Variants in INPP5D observed in about 807,000 individuals in gnomAD.
INPP5D encodes the protein phosphatidylinositol 3,4,5-trisphosphate 5-phosphatase 1.
INPP5D carries 33 observed loss-of-function variants against 122.9 expected under a neutral mutation model. The ratio of observed to expected loss-of-function variants is 0.27; its 90% CI spans 0.20 to 0.36. INPP5D has a LOEUF of 0.36. Ranked by LOEUF, INPP5D falls within the 10% of genes least tolerant of loss-of-function variation. The probability of loss-of-function intolerance (pLI) is 1.00; values close to 1 mark genes in which losing one functional copy is unlikely to be tolerated. For missense variants in INPP5D, 1,053 were observed against 1,412.7 expected (o/e 0.75, Z 4.08); for synonymous variants, 584 against 576.2 (o/e 1.01, Z -0.19).
At chr2:233,107,180 G>A (rs528689444) in intron 2 of INPP5D, among the ~76,000 whole-genome samples, 3 of 152,338 alleles carry the variant, frequency 2.0e-5, no homozygotes, top group East Asian at 1.9e-4. Context: ...AGCAGAGGGT[G>A]CGGTAGGCAG....
intron 5 of INPP5D, chr2:233,131,206 T>C: frequency 1.3e-6 from 1 of 773,354 alleles, no homozygotes; most frequent in Non-Finnish European, 1.6e-6. Flanking sequence ...GGTTTTACAT[T>C]TTAAAATTTA....
chr2:233,176,052 A>G (rs1214039617), intron 17 of INPP5D, among the ~76,000 whole-genome samples: 2 of 152,246 alleles, frequency 1.3e-5, no homozygotes, highest in African/African-American at 4.8e-5. Flanking sequence ...AGGAGATGAC[A>G]GAGATAAGCT....
At chr2:233,116,008 C>T (rs1574738858) in intron 2 of INPP5D, among the ~76,000 whole-genome samples, 1 of 152,002 alleles carries the variant, frequency 6.6e-6, no homozygotes, top group Non-Finnish European at 1.5e-5. Flanking sequence ...TGGAAGTCAC[C>T]CAGAACTTTC....
intron 3 of INPP5D, among the ~76,000 whole-genome samples, chr2:233,123,198 G>C (rs1306817714): frequency 6.6e-6 from 1 of 152,216 alleles, no homozygotes; most frequent in Non-Finnish European, 1.5e-5. Flanking sequence ...GCTCACGCCT[G>C]TAATCCCAAC....
At chr2:233,141,806 A>G (rs984211562) in intron 6 of INPP5D, among the ~76,000 whole-genome samples, 2 of 152,190 alleles carry the variant, frequency 1.3e-5, no homozygotes, top group Non-Finnish European at 2.9e-5. Context: ...GCTGGTCACC[A>G]CAATTCAGGG....
intron 3 of INPP5D, among the ~76,000 whole-genome samples, chr2:233,125,379 G>A (rs1034820611): frequency 2.0e-5 from 3 of 152,352 alleles, no homozygotes; most frequent in East Asian, 3.9e-4. Flanking sequence ...CCAGGGCTCA[G>A]CCATCATGAG....
chr2:233,186,028 G>T, intron 21 of INPP5D, 103 bp downstream of exon 21: 1 of 1,343,466 alleles, frequency 7.4e-7, no homozygotes, highest in South Asian at 2.2e-5. Context: ...AGAGGAAGCA[G>T]GAATCTCATA....
At chr2:233,159,854 C>T (rs562406159) in intron 10 of INPP5D, among the ~76,000 whole-genome samples, 4 of 152,216 alleles carry the variant, frequency 2.6e-5, no homozygotes. Flanking sequence ...AGTCTCCGCT[C>T]CTACTTTCAC....
At chr2:233,178,706 A>G (rs533491172) in intron 18 of INPP5D, among the ~76,000 whole-genome samples, 1 of 151,988 alleles carries the variant, frequency 6.6e-6, no homozygotes, top group Non-Finnish European at 1.5e-5. Flanking sequence ...CTGGTCTCGA[A>G]CTCCTGACTT....
At position 233,206,576 on chromosome 2, in the gene INPP5D, T is replaced by C. The variant is rs1695511121; in HGVS notation, c.3568-130T>C. On this transcript the variant is annotated intron_variant, in intron 26 of 26. Coordinates refer to ENST00000445964, the MANE Select transcript of INPP5D (RefSeq NM_001017915.3). This position sits in a 1 kb window ranked among gnomAD's most constrained non-coding sequence, Gnocchi z 4.0. ...CAGGTAAAGTACTTAGAGCAGTGAG[T>C]GCTGGCTCTTCTCAGCTACACGTTA... 1 of 647,976 alleles carries C rather than the reference T, an allele frequency of 1.5e-6. No individual in the cohort carries two copies. The highest frequency in any genetic ancestry group is 2.5e-5 in the Admixed American group (1 of 39,352). The allele number at this position is 647,976 out of a possible 1,614,324, so 40.1% of individuals were successfully genotyped here. A position where few individuals can be genotyped will look rare whatever the true frequency, so the allele number is the denominator to read the frequency against.
intron 5 of INPP5D, chr2:233,130,849 G>A (rs1416922598): frequency 2.8e-6 from 2 of 726,660 alleles, no homozygotes; most frequent in Non-Finnish European, 2.4e-6. Context: ...TAGCTTGTGT[G>A]TGCTGCAGCT....
chr2:233,146,357 C>A lies in INPP5D; in HGVS notation c.835-10C>A, dbSNP rs1290835994. 1 of 704,318 alleles carries A rather than the reference C, an allele frequency of 1.4e-6. No homozygotes were observed. The highest frequency in any genetic ancestry group is 2.6e-6 in the Non-Finnish European group (1 of 385,012). The allele number at this position is 704,318 out of a possible 1,614,324, so 43.6% of individuals were successfully genotyped here. ...CCTTGACCCTCTGTCTCTAACGCTG[C>A]TGCCCACAGGTCAAGGCCTTGCTGC... On this transcript the variant is annotated splice_polypyrimidine_tract_variant and intron_variant, in intron 7 of 26. Transcript: ENST00000445964.
At chr2:233,153,893 G>T (rs973298254) in intron 9 of INPP5D, among the ~76,000 whole-genome samples, 4 of 152,364 alleles carry the variant, frequency 2.6e-5, no homozygotes, top group Admixed American at 1.3e-4. Flanking sequence ...GATGCTGCTG[G>T]CCAGCCCCAC....
chr2:233,149,436 A>T (rs146178696), intron 9 of INPP5D, among the ~76,000 whole-genome samples: 1 of 151,912 alleles, frequency 6.6e-6, no homozygotes, highest in Non-Finnish European at 1.5e-5. Context: ...TGCACTAAGT[A>T]TGGGGAACTG....
chr2:233,147,410 G>C, intron 8 of INPP5D, 61 bp from the exon 9 acceptor site: 1 of 698,278 alleles, frequency 1.4e-6, no homozygotes, highest in Non-Finnish European at 2.6e-6. Context: ...GTTCGGGCGG[G>C]GGAAGCCTTG....
At chr2:233,111,271 G>A (rs1323516404) in intron 2 of INPP5D, among the ~76,000 whole-genome samples, 1 of 151,912 alleles carries the variant, frequency 6.6e-6, no homozygotes. Context: ...TAGATCCTTC[G>A]TTCAAATGTT....
At chr2:233,121,212 A>G (rs200616228) in intron 2 of INPP5D, among the ~76,000 whole-genome samples, 1 of 147,404 alleles carries the variant, frequency 6.8e-6, no homozygotes, top group East Asian at 2.0e-4. Context: ...GTTCACTGCA[A>G]CCTCCGCCTC....
chr2:233,117,646 G>T (rs1692840124), intron 2 of INPP5D, among the ~76,000 whole-genome samples: 1 of 152,130 alleles, frequency 6.6e-6, no homozygotes, highest in Admixed American at 6.5e-5. Context: ...CCTGTTATTG[G>T]TATCCCTATG....
chr2:233,182,808 A>AG (rs1265985049), intron 19 of INPP5D, among the ~76,000 whole-genome samples: 1 of 148,556 alleles, frequency 6.7e-6, no homozygotes, highest in East Asian at 2.0e-4. Flanking sequence ...GGATGGGAGG[A>AG]GGGGGCGGGG....
Sources: allele counts gnomAD v4.1 joint callset (sites outside exome capture counted in the v4.1 genomes callset), GRCh38; gene constraint gnomAD v4.1.1; non-coding constraint Gnocchi (gnomAD v3.1); transcripts MANE v1.5; gene names NCBI Gene and HGNC (gene_info 2026-07-23, HGNC 2026-07-21).